The following CTNND2 variants were observed in gnomAD, a reference collection of about 807,000 sequenced individuals.
CTNND2 encodes catenin delta 2.
In CTNND2, 22 loss-of-function variants were observed where a neutral mutation model predicts 144.4. The observed-to-expected ratio is 0.15, with a 90% confidence interval of 0.11 to 0.22. CTNND2 has a LOEUF of 0.22. Among genes scored for constraint, CTNND2 ranks in the 10% least tolerant of loss-of-function variants. The probability of loss-of-function intolerance (pLI) is 1.00; values close to 1 mark genes in which losing one functional copy is unlikely to be tolerated. For synonymous variants in CTNND2, 751 were observed against 695.6 expected (o/e 1.08, Z -1.25); for missense variants, 1,353 against 1,618.8 (o/e 0.84, Z 2.82).
chr5:11,690,589 A>G (rs1484412597), intron 2 of CTNND2, among the ~76,000 whole-genome samples: 1 of 151,688 alleles, frequency 6.6e-6, no homozygotes, highest in Non-Finnish European at 1.5e-5. Flanking sequence ...AAAAAAAATT[A>G]GCCGGGCGCG....
chr5:11,149,911 T>C (rs1213834519), intron 12 of CTNND2, among the ~76,000 whole-genome samples: 2 of 152,162 alleles, frequency 1.3e-5, no homozygotes, highest in Admixed American at 1.3e-4. Context: ...AATTTTGTAG[T>C]GGGTACTTCT....
chr5:11,237,354 C>A (rs1741767528), intron 9 of CTNND2, among the ~76,000 whole-genome samples: 1 of 152,028 alleles, frequency 6.6e-6, no homozygotes, highest in African/African-American at 2.4e-5. Context: ...GTGTATACTA[C>A]ATATATTGGT....
At chr5:11,240,328 CCCAACACACA>C (rs1742149741) in intron 9 of CTNND2, among the ~76,000 whole-genome samples, 2 of 134,282 alleles carry the variant, frequency 1.5e-5, no homozygotes, top group Admixed American at 1.5e-4. Context: ...CACACACACA[CCCAACACACA>C]TACACCCAAC....
chr5:11,182,493 T>C (rs1443747587), intron 11 of CTNND2, among the ~76,000 whole-genome samples: 2 of 152,034 alleles, frequency 1.3e-5, no homozygotes, highest in Admixed American at 6.6e-5. Context: ...AACTTCAACC[T>C]CTCTCTTCCC....
chr5:11,326,323 G>A (rs1752513569), intron 9 of CTNND2, among the ~76,000 whole-genome samples: 1 of 152,150 alleles, frequency 6.6e-6, no homozygotes, highest in African/African-American at 2.4e-5. Flanking sequence ...TTTGTCCATA[G>A]TAATATGTAG....
At chr5:11,398,264 T>C (rs902348670) in intron 5 of CTNND2, among the ~76,000 whole-genome samples, 1 of 152,216 alleles carries the variant, frequency 6.6e-6, no homozygotes. Context: ...TAATATCACT[T>C]CTGATAAGTA....
intron 2 of CTNND2, among the ~76,000 whole-genome samples, chr5:11,583,764 C>T (rs1234407609): frequency 1.3e-5 from 2 of 152,260 alleles, no homozygotes; most frequent in East Asian, 1.9e-4. Flanking sequence ...ATTCTACACA[C>T]CCAGAGATAA....
At chr5:11,766,302 G>A (rs1023248622) in intron 1 of CTNND2, among the ~76,000 whole-genome samples, 1 of 152,162 alleles carries the variant, frequency 6.6e-6, no homozygotes, top group Admixed American at 6.5e-5. Flanking sequence ...TGTTCAAATG[G>A]GTGGTGATAT....
At chr5:11,665,393 T>C (rs1783507326) in intron 2 of CTNND2, among the ~76,000 whole-genome samples, 1 of 152,168 alleles carries the variant, frequency 6.6e-6, no homozygotes, top group African/African-American at 2.4e-5. Flanking sequence ...GAATAACATC[T>C]AGCTTTACCA....
At chr5:11,404,427 G>C (rs1306406777) in intron 5 of CTNND2, among the ~76,000 whole-genome samples, 1 of 151,866 alleles carries the variant, frequency 6.6e-6, no homozygotes, top group Non-Finnish European at 1.5e-5. Context: ...GAGACCCTTT[G>C]TTCCTGCCAT....
At chr5:11,152,468 T>G (rs1470609312) in intron 12 of CTNND2, among the ~76,000 whole-genome samples, 1 of 152,124 alleles carries the variant, frequency 6.6e-6, no homozygotes, top group Non-Finnish European at 1.5e-5. Context: ...AACGTCTAGG[T>G]TTGTGTAAGT....
intron 2 of CTNND2, among the ~76,000 whole-genome samples, chr5:11,720,095 T>G (rs1162530841): frequency 6.6e-6 from 1 of 152,138 alleles, no homozygotes; most frequent in Non-Finnish European, 1.5e-5. Flanking sequence ...GGTCAAAAGG[T>G]CTGTCATTGA....
At chr5:11,786,819 C>A (rs1341524119) in intron 1 of CTNND2, among the ~76,000 whole-genome samples, 2 of 152,132 alleles carry the variant, frequency 1.3e-5, no homozygotes, top group Admixed American at 1.3e-4. Context: ...TTGTAGTTCC[C>A]AGAGAAATTT....
chr5:11,251,653 G>A (rs932993646), intron 9 of CTNND2, among the ~76,000 whole-genome samples: 2 of 152,184 alleles, frequency 1.3e-5, no homozygotes, highest in African/African-American at 2.4e-5. Context: ...TCGTCCTCAC[G>A]ACAGCTGTGA....
chr5:10,994,919 G>C (rs1365774952), intron 18 of CTNND2, among the ~76,000 whole-genome samples: 1 of 152,146 alleles, frequency 6.6e-6, no homozygotes, highest in Admixed American at 6.5e-5. Context: ...GGCTATTGGT[G>C]TGGGAAAGAG....
chr5:11,720,533 C>T (rs1003936821), intron 2 of CTNND2, among the ~76,000 whole-genome samples: 15 of 152,122 alleles, frequency 9.9e-5, no homozygotes, highest in African/African-American at 3.6e-4. Flanking sequence ...CTACAGCCCC[C>T]CTTCCTGTCT....
intron 18 of CTNND2, among the ~76,000 whole-genome samples, chr5:11,003,590 C>G (rs189618923): frequency 6.6e-6 from 1 of 152,198 alleles, no homozygotes; most frequent in Non-Finnish European, 1.5e-5. Context: ...TTCTGATGCA[C>G]AGTCTGTGTG....
chr5:11,879,836 T>A (rs1387829329), intron 1 of CTNND2, among the ~76,000 whole-genome samples: 1 of 152,164 alleles, frequency 6.6e-6, no homozygotes, highest in Non-Finnish European at 1.5e-5. Context: ...CATTTCTTCA[T>A]CCTCTGGGCA....
chr5:11,181,685 G>T (rs1369490760), intron 11 of CTNND2, among the ~76,000 whole-genome samples: 7 of 151,412 alleles, frequency 4.6e-5, no homozygotes, highest in Non-Finnish European at 1.0e-4. Flanking sequence ...GTGTGTGTCT[G>T]TGTGGTGTGT....
Sources: allele counts gnomAD v4.1 joint callset (sites outside exome capture counted in the v4.1 genomes callset), GRCh38; gene constraint gnomAD v4.1.1; transcripts MANE v1.5; gene names NCBI Gene and HGNC (gene_info 2026-07-23, HGNC 2026-07-21).